The following BEST3 variants were observed in gnomAD, a reference collection of about 807,000 sequenced individuals.
The protein encoded by BEST3 is bestrophin 3, also known as bestrophin-3.
A neutral mutation model predicts 47.1 loss-of-function variants in BEST3; 50 were observed. That is an observed-to-expected ratio of 1.06 (90% confidence interval 0.85 to 1.34). The LOEUF (loss-of-function observed/expected upper bound fraction) is 1.34, where lower values mean the gene tolerates loss of function less well. BEST3 is among the 40% of genes most tolerant of loss of function. The pLI is 0.00. For synonymous variants in BEST3, 282 were observed against 298.8 expected (o/e 0.94, Z 0.58); for missense variants, 765 against 817.0 (o/e 0.94, Z 0.78).
chr12:69,673,229 C>T (rs1014995313), intron 7 of BEST3, among the ~76,000 whole-genome samples: 9 of 152,164 alleles, frequency 5.9e-5, no homozygotes, highest in African/African-American at 2.2e-4. Context: ...CAGGGGAAGC[C>T]ATGTCCTATT....
At chr12:69,662,058 T>G (rs710732) in intron 9 of BEST3, among the ~76,000 whole-genome samples, 149,711 of 152,274 alleles carry the variant, frequency 0.98, 73,644 homozygotes, top group East Asian at 1. Flanking sequence ...AGGAAATCAA[T>G]CCATGTACAC....
intron 4 of BEST3, among the ~76,000 whole-genome samples, chr12:69,679,140 C>A (rs1412605618): frequency 1.3e-5 from 2 of 152,004 alleles, no homozygotes; most frequent in Non-Finnish European, 2.9e-5. Context: ...ATAGAGGAGG[C>A]CATTAGGAGG....
In BEST3 at chr12:69,655,336, G is replaced by C. The variant is rs778923125; in HGVS notation, c.1578C>G (p.Ile526Met). 2 of 1,614,188 alleles carry C rather than the reference G, an allele frequency of 1.2e-6. No homozygotes were observed. Among genetic ancestry groups the C allele is most frequent in the South Asian group, 2.2e-5 (2 of 91,084 alleles). ...GAACCCCTGTAAACTCAGAGCTCAA[G>C]ATGGAGGTAGCGGAATCATGGTGGT... ...GGYHHDSATS[I>M]LSSEFTGVQP... The change falls in exon 10 of 10, where the codon ATC becomes ATG. Residue 526 changes from isoleucine (I) to methionine (M), a missense_variant. Coordinates refer to ENST00000330891, the MANE Select transcript of BEST3 (RefSeq NM_032735.3).
chr12:69,690,356 T>G (rs775420), intron 4 of BEST3, among the ~76,000 whole-genome samples: 100,276 of 152,170 alleles, frequency 0.66, 33,515 homozygotes, highest in African/African-American at 0.77. Context: ...ATCTGTACAA[T>G]TTTGAGAGGG....
At chr12:69,649,635 A>T (rs2135897168), downstream of BEST3, among the ~76,000 whole-genome samples, 1 of 152,252 alleles carries the variant, frequency 6.6e-6, no homozygotes, top group African/African-American at 2.4e-5. Context: ...AGCTTTCTCA[A>T]ACTTGGTATA....
At chr12:69,668,934 C>T (rs890138981) in intron 9 of BEST3, among the ~76,000 whole-genome samples, 2 of 152,052 alleles carry the variant, frequency 1.3e-5, no homozygotes, top group African/African-American at 4.8e-5. Flanking sequence ...CATTTTTGCC[C>T]TCAGGATGGG....
Position 69,671,506 on chromosome 12 carries a change from G to A in BEST3, c.1022C>T (p.Ser341Phe). ...KMKKDIYWDDSAARPPYTLAA... is the reference protein window; with the variant it reads ...KMKKDIYWDDFAARPPYTLAA... ...CAATGTGTATGGTGGGCGAGCAGCAGAATCGTCCCAGTAAATGTCCTTCTT... is the reference window on the plus strand; with the variant it reads ...CAATGTGTATGGTGGGCGAGCAGCAAAATCGTCCCAGTAAATGTCCTTCTT... Residue 341 changes from serine to phenylalanine, a missense_variant, in exon 9 of 10, where the codon TCT (serine) becomes TTT (phenylalanine). Ser to Phe is a radical substitution (Grantham distance 155). Transcript: ENST00000330891. The A allele has an allele frequency of 6.2e-7, 1 of 1,613,980 alleles. No homozygotes were observed. The highest frequency in any genetic ancestry group is 8.5e-7 in the Non-Finnish European group (1 of 1,179,842).
chr12:69,658,451 G>A (rs908233516), intron 9 of BEST3, among the ~76,000 whole-genome samples: 1 of 152,112 alleles, frequency 6.6e-6, no homozygotes, highest in African/African-American at 2.4e-5. Context: ...ATTCATAACT[G>A]ACATTGGGTA....
chr12:69,681,676 T>C (rs1468174639), intron 4 of BEST3, among the ~76,000 whole-genome samples: 1 of 152,132 alleles, frequency 6.6e-6, no homozygotes, highest in Admixed American at 6.6e-5. Context: ...GTGATATCTA[T>C]TAAATATGGA....
chr12:69,643,724 T>C (rs780543052), exon 10 of BEST3: 3 of 715,914 alleles, frequency 4.2e-6, no homozygotes, highest in Non-Finnish European at 7.8e-6. Flanking sequence ...CACACTGGAA[T>C]TGAGGCTGAG....
At chr12:69,669,074 T>A (rs1884406723) in intron 9 of BEST3, among the ~76,000 whole-genome samples, 1 of 152,166 alleles carries the variant, frequency 6.6e-6, no homozygotes, top group Admixed American at 6.5e-5. Flanking sequence ...CGTCTCTGGA[T>A]GTGAAACTAT....
chr12:69,652,942 C>T (rs1198265276), downstream of BEST3, among the ~76,000 whole-genome samples: 1 of 152,122 alleles, frequency 6.6e-6, no homozygotes. Context: ...CGGGGCTTTC[C>T]CAGATGCTAA....
In BEST3 at chr12:69,694,353, G is replaced by T. The variant is rs765235713; in HGVS notation, c.247+17C>A. ...AGACAGCTATGTGGCTGCAATCTGCGTGTGACCTATACTTACCAAGCACAA... is the reference window on the plus strand; with the variant it reads ...AGACAGCTATGTGGCTGCAATCTGCTTGTGACCTATACTTACCAAGCACAA... On this transcript the variant is annotated intron_variant, in intron 3 of 9. Transcript: ENST00000330891. 3 of 1,514,658 alleles carry T rather than the reference G, an allele frequency of 2.0e-6. 1 individual carries two copies. The highest frequency in any genetic ancestry group is 4.6e-5 in the East Asian group (2 of 43,420). 93.8% of individuals were successfully genotyped at this position (1,514,658 alleles called of 1,614,324 possible).
chr12:69,644,714 ATGT>A (rs1324900626), intron 9 of BEST3, among the ~76,000 whole-genome samples: 8 of 152,178 alleles, frequency 5.3e-5, no homozygotes, highest in African/African-American at 1.9e-4. Flanking sequence ...ACTGGGAGTA[ATGT>A]TGTTAGGCAT....
At chr12:69,656,512 C>A (rs972639145) in intron 9 of BEST3, among the ~76,000 whole-genome samples, 2 of 151,900 alleles carry the variant, frequency 1.3e-5, no homozygotes, top group African/African-American at 2.4e-5. Context: ...CACGAGCGTG[C>A]GATGCCCAGC....
In BEST3 at chr12:69,688,960, A is replaced by T. The variant is rs549966782; in HGVS notation, c.481+4714T>A. ...GTAATGCACCCTGAAGTTTGAGAAC[A>T]TGTACTTTTTCTTACAGGTGATTTT... On this transcript the variant is annotated intron_variant, in intron 4 of 9. Coordinates refer to ENST00000330891, the MANE Select transcript of BEST3 (RefSeq NM_032735.3). 4.9e-5 allele frequency: 19 copies of T among 386,092 alleles called. No individual in the cohort carries two copies. In the South Asian group the frequency reaches 1.7e-3, roughly 34 times the overall value. The allele number at this position is 386,092 out of a possible 1,614,324, so 23.9% of individuals were successfully genotyped here. A position where few individuals can be genotyped will look rare whatever the true frequency, so the allele number is the denominator to read the frequency against.
At chr12:69,689,708 C>T (rs566030240) in intron 4 of BEST3, among the ~76,000 whole-genome samples, 1 of 152,194 alleles carries the variant, frequency 6.6e-6, no homozygotes, top group East Asian at 1.9e-4. Context: ...TTCTCTTCTC[C>T]CTTCATCCGC....
chr12:69,664,118 C>T (rs1258560720), intron 9 of BEST3, among the ~76,000 whole-genome samples: 1 of 152,150 alleles, frequency 6.6e-6, no homozygotes. Context: ...TTTTAACTGG[C>T]CTTTTTTCAT....
At chr12:69,679,002 A>T in intron 4 of BEST3, 109 bp from the exon 5 acceptor site, 1 of 921,366 alleles carries the variant, frequency 1.1e-6, no homozygotes, top group Non-Finnish European at 1.6e-6. Flanking sequence ...TATTAAAGAA[A>T]TATGGAATAA....
Sources: gnomAD v4.1 joint callset for allele counts (sites outside exome capture counted in the v4.1 genomes callset) on GRCh38, gnomAD v4.1.1 for gene constraint, MANE v1.5 for transcripts, NCBI Gene and HGNC (gene_info 2026-07-23, HGNC 2026-07-21) for gene names.